The following ME3 variants were observed in gnomAD, a reference collection of about 807,000 sequenced individuals.
The protein encoded by ME3 is malic enzyme 3, also known as NADP-dependent malic enzyme, mitochondrial.
A neutral mutation model predicts 68.9 loss-of-function variants in ME3; 48 were observed. That is an observed-to-expected ratio of 0.70 (90% confidence interval 0.55 to 0.89). ME3 has a LOEUF of 0.89. ME3 is among the 40% of genes least tolerant of loss of function. ME3 has a pLI of 0.00. For missense variants in ME3, 675 were observed against 797.4 expected (o/e 0.85, Z 1.85); for synonymous variants, 320 against 318.8 (o/e 1.00, Z -0.04).
intron 13 of ME3, among the ~76,000 whole-genome samples, chr11:86,443,412 T>C (rs1030841435): frequency 2.0e-5 from 3 of 152,240 alleles, no homozygotes; most frequent in African/African-American, 7.2e-5. Context: ...CAGTGAGTGA[T>C]TGAGTCTTAC....
At chr11:86,499,227 G>A (rs1352529020) in intron 5 of ME3, among the ~76,000 whole-genome samples, 1 of 152,076 alleles carries the variant, frequency 6.6e-6, no homozygotes, top group Admixed American at 6.6e-5. Context: ...TTTGGGGAGC[G>A]AGGAGATGTA....
At chr11:86,584,723 C>T (rs1945139) in intron 2 of ME3, among the ~76,000 whole-genome samples, 70,145 of 152,044 alleles carry the variant, frequency 0.46, 17,232 homozygotes, top group East Asian at 0.74. Flanking sequence ...ATTCCACTTA[C>T]ATGAGGTATC....
intron 2 of ME3, among the ~76,000 whole-genome samples, chr11:86,647,161 A>G (rs1449476728): frequency 1.3e-5 from 2 of 152,240 alleles, no homozygotes; most frequent in Non-Finnish European, 2.9e-5. Context: ...CAAAATAACC[A>G]GCTAGCATCA....
intron 13 of ME3, among the ~76,000 whole-genome samples, chr11:86,444,412 G>A (rs750699476): frequency 3.9e-5 from 6 of 152,170 alleles, no homozygotes; most frequent in Non-Finnish European, 7.4e-5. Context: ...GCACCAAGGA[G>A]CCATACGAAG....
chr11:86,536,224 A>G (rs112578873), intron 4 of ME3, among the ~76,000 whole-genome samples: 16 of 152,168 alleles, frequency 1.1e-4, no homozygotes, highest in East Asian at 1.9e-4. Context: ...CATAGGCATG[A>G]GCAAGGACTT....
intron 4 of ME3, among the ~76,000 whole-genome samples, chr11:86,554,294 A>G (rs186628149): frequency 9.8e-5 from 15 of 152,310 alleles, no homozygotes. Flanking sequence ...TTGAATTTCC[A>G]TTAGATCTCA....
intron 2 of ME3, among the ~76,000 whole-genome samples, chr11:86,600,689 C>T (rs1960475196): frequency 1.3e-5 from 2 of 151,788 alleles, no homozygotes; most frequent in African/African-American, 4.8e-5. Flanking sequence ...CAAAATTGAC[C>T]ACATAGTTGG....
At chr11:86,450,185 T>G in intron 9 of ME3, 116 bp downstream of exon 9, 1 of 1,092,200 alleles carries the variant, frequency 9.2e-7, no homozygotes, top group African/African-American at 1.5e-5. Context: ...ATGATCACAA[T>G]ATGTCTGTGC....
intron 2 of ME3, among the ~76,000 whole-genome samples, chr11:86,625,802 C>G (rs1028944355): frequency 1.1e-4 from 16 of 152,168 alleles, no homozygotes; most frequent in African/African-American, 3.9e-4. Flanking sequence ...ACAAGATTGT[C>G]TGAGTTCAAG....
chr11:86,668,672 T>G (rs1946725877), intron 2 of ME3, among the ~76,000 whole-genome samples: 1 of 152,340 alleles, frequency 6.6e-6, no homozygotes, highest in South Asian at 2.1e-4. Flanking sequence ...CAGAACCCAG[T>G]GAATGCACAA....
chr11:86,527,741 A>G (rs529571361), intron 4 of ME3, among the ~76,000 whole-genome samples: 1 of 152,374 alleles, frequency 6.6e-6, no homozygotes, highest in Non-Finnish European at 1.5e-5. Flanking sequence ...CCAGAATTTC[A>G]TATCCAGCCA....
At chr11:86,498,909 A>C (rs573853493) in intron 5 of ME3, among the ~76,000 whole-genome samples, 20 of 152,342 alleles carry the variant, frequency 1.3e-4, no homozygotes, top group African/African-American at 4.6e-4. Context: ...TGGGAGCTTC[A>C]GTTTGCACAT....
At chr11:86,474,067 G>A (rs1950926447) in intron 7 of ME3, among the ~76,000 whole-genome samples, 1 of 152,274 alleles carries the variant, frequency 6.6e-6, no homozygotes, top group Non-Finnish European at 1.5e-5. Flanking sequence ...CACTTGGCAC[G>A]GAAGTCGTGG....
intron 2 of ME3, among the ~76,000 whole-genome samples, chr11:86,635,625 A>G (rs1381716977): frequency 6.6e-6 from 1 of 152,202 alleles, no homozygotes; most frequent in Non-Finnish European, 1.5e-5. Flanking sequence ...GTAGGTTTCT[A>G]AAAAAAGGAT....
intron 8 of ME3, among the ~76,000 whole-genome samples, chr11:86,458,734 A>G (rs549323618): frequency 1.3e-5 from 2 of 152,226 alleles, no homozygotes; most frequent in East Asian, 3.9e-4. Context: ...CAGTGTGTGT[A>G]GTGGTGGTGG....
chr11:86,613,613 C>A (rs1942751104), intron 2 of ME3, among the ~76,000 whole-genome samples: 1 of 152,202 alleles, frequency 6.6e-6, no homozygotes, highest in Admixed American at 6.5e-5. Context: ...TAAGCAACTT[C>A]AGCAAAGTCT....
chr11:86,443,846 G>C (rs1436594467), intron 13 of ME3, among the ~76,000 whole-genome samples: 3 of 152,190 alleles, frequency 2.0e-5, no homozygotes, highest in Non-Finnish European at 4.4e-5. Flanking sequence ...ACAGAGAGAA[G>C]GCCAAGTCTG....
intron 4 of ME3, among the ~76,000 whole-genome samples, chr11:86,536,065 C>CT (rs1289048110): frequency 6.6e-6 from 1 of 152,150 alleles, no homozygotes; most frequent in Admixed American, 6.6e-5. Context: ...AGCTATATCT[C>CT]TATTTGTACA....
At chr11:86,508,833 G>C in exon 5 of ME3, 1 of 1,613,732 alleles carries the variant, frequency 6.2e-7, no homozygotes, top group Non-Finnish European at 8.5e-7. Flanking sequence ...ATTGTTGCAA[G>C]ATGACCTTTG....
Sources: gnomAD v4.1 joint callset for allele counts (sites outside exome capture counted in the v4.1 genomes callset) on GRCh38, gnomAD v4.1.1 for gene constraint, MANE v1.5 for transcripts, NCBI Gene and HGNC (gene_info 2026-07-23, HGNC 2026-07-21) for gene names.